SEMA3D: variants seen among roughly 807,000 people sequenced by gnomAD.
SEMA3D encodes the protein semaphorin-3D.
In SEMA3D, 84 loss-of-function variants were observed where a neutral mutation model predicts 100.1. The ratio of observed to expected loss-of-function variants is 0.84; its 90% CI spans 0.70 to 1.01. SEMA3D has a LOEUF of 1.01. SEMA3D is among the 50% of genes least tolerant of loss of function. The pLI is 0.00. For missense variants in SEMA3D, 875 were observed against 934.1 expected, an observed-to-expected ratio of 0.94 and a Z score of 0.82; for synonymous variants, 312 against 320.7, an observed-to-expected ratio of 0.97 and a Z score of 0.29.
At chr7:85,151,124 T>C (rs963449361) in intron 2 of SEMA3D, among the ~76,000 whole-genome samples, 9 of 151,304 alleles carry the variant, frequency 5.9e-5, no homozygotes, top group Non-Finnish European at 1.3e-4. Context: ...ACACCGCACA[T>C]ATATAATTAG....
At chr7:85,121,521 T>G (rs1029539663) in intron 3 of SEMA3D, among the ~76,000 whole-genome samples, 3 of 152,202 alleles carry the variant, frequency 2.0e-5, no homozygotes, top group African/African-American at 7.2e-5. Flanking sequence ...AAATTGAATA[T>G]TATAAATACT....
In SEMA3D at chr7:85,083,841, C is replaced by T. The variant is rs187958796; in HGVS notation, c.313-2262G>A. The stretch of plus-strand genomic sequence containing the variant: ...CAGCCTGGGCGACAGAGCGAGACTC[C>T]GTCTCAAAAAAAAAAAATTGCATCG... On this transcript the variant is annotated intron_variant, in intron 4 of 18. Coordinates refer to ENST00000284136, the MANE Select transcript of SEMA3D (RefSeq NM_001384900.1). Among the ~76,000 whole-genome samples the T allele has an allele frequency of 1.7e-3, 231 of 136,444 alleles. 4 individuals are homozygous for T. In the East Asian group the frequency reaches 0.047, roughly 28 times the overall value. The allele number at this position is 136,444 out of a possible 152,430, so 89.5% of individuals were successfully genotyped here. A position where few individuals can be genotyped will look rare whatever the true frequency, so the allele number is the denominator to read the frequency against.
At chr7:85,042,518 A>G (rs763082742) in intron 9 of SEMA3D, among the ~76,000 whole-genome samples, 2 of 152,156 alleles carry the variant, frequency 1.3e-5, no homozygotes, top group African/African-American at 2.4e-5. Context: ...GCTCTATTGG[A>G]TGAGTAGATG....
rs1282042006 is a variant in SEMA3D at position 85,006,698 on chromosome 7, T to A, written c.1908+104A>T. On this transcript the variant is annotated intron_variant, in intron 18 of 18. Transcript: ENST00000284136. ...AGTGAGTAAAACCTGTTATTTTTTT[T>A]AATCAAATAATGATGAGAGTAGCAT... 3.4e-5 allele frequency: 31 copies of A among 922,726 alleles called. No homozygotes were observed. The East Asian group carries it at 5.5e-4, about 16-fold the overall frequency. The allele number at this position is 922,726 out of a possible 1,614,324, so 57.2% of individuals were successfully genotyped here.
chr7:85,026,254 C>A (rs1263430323), intron 12 of SEMA3D, among the ~76,000 whole-genome samples: 1 of 151,870 alleles, frequency 6.6e-6, no homozygotes, highest in Non-Finnish European at 1.5e-5. Flanking sequence ...TAGAGATATC[C>A]TCAGTAATTT....
At chr7:85,230,018 A>G in the SEMA3D span, among the ~76,000 whole-genome samples, 39 of 152,318 alleles carry the variant, frequency 2.6e-4, no homozygotes, top group African/African-American at 8.9e-4. Context: ...TTATTTAATG[A>G]CATCCAATTA....
intron 3 of SEMA3D, among the ~76,000 whole-genome samples, chr7:85,098,740 T>G (rs1788650103): frequency 6.6e-6 from 1 of 151,914 alleles, no homozygotes; most frequent in Non-Finnish European, 1.5e-5. Context: ...TTTTATATAT[T>G]TCAACAAAGG....
At chr7:85,232,715 G>T in the SEMA3D span, among the ~76,000 whole-genome samples, 1 of 152,160 alleles carries the variant, frequency 6.6e-6, no homozygotes, top group South Asian at 2.1e-4. Flanking sequence ...CTAGCTAAGA[G>T]TGTACAGGTG....
At chr7:85,063,312 G>C (rs2116129810) in intron 8 of SEMA3D, among the ~76,000 whole-genome samples, 1 of 152,224 alleles carries the variant, frequency 6.6e-6, no homozygotes. Context: ...AATGTCCTGG[G>C]CAAAGTAGGT....
chr7:85,203,459 A>T, the SEMA3D span, among the ~76,000 whole-genome samples: 1 of 152,192 alleles, frequency 6.6e-6, no homozygotes, highest in Non-Finnish European at 1.5e-5. Context: ...AACATTGTGC[A>T]GAATAGAGTA....
At chr7:85,147,456 A>C (rs1375533690) in intron 2 of SEMA3D, among the ~76,000 whole-genome samples, 1 of 151,846 alleles carries the variant, frequency 6.6e-6, no homozygotes, top group Non-Finnish European at 1.5e-5. Flanking sequence ...GGCCTCTGTC[A>C]GTCTTTCTAA....
intron 16 of SEMA3D, 70 bp downstream of exon 16, chr7:85,014,989 A>T (rs1383317483): frequency 9.4e-6 from 11 of 1,172,470 alleles, no homozygotes; most frequent in Non-Finnish European, 1.4e-5. Flanking sequence ...AAACTATAAG[A>T]CAAAGCATTA....
the SEMA3D span, among the ~76,000 whole-genome samples, chr7:85,196,840 A>G: frequency 3.3e-5 from 5 of 152,320 alleles, no homozygotes; most frequent in Admixed American, 6.5e-5. Context: ...CAAAATGCCA[A>G]TAGTTACTGA....
At chr7:85,182,026 A>C (rs576796780) in intron 1 of SEMA3D, among the ~76,000 whole-genome samples, 1 of 152,266 alleles carries the variant, frequency 6.6e-6, no homozygotes, top group South Asian at 2.1e-4. Context: ...AAATAATCTC[A>C]AAAGTGTTGC....
intron 2 of SEMA3D, among the ~76,000 whole-genome samples, chr7:85,125,713 T>A (rs1180743177): frequency 1.3e-5 from 2 of 152,074 alleles, no homozygotes; most frequent in African/African-American, 4.8e-5. Context: ...AATCCTTTAA[T>A]TGAGATAATT....
intron 1 of SEMA3D, among the ~76,000 whole-genome samples, chr7:85,185,451 T>C (rs985235084): frequency 6.6e-6 from 1 of 152,174 alleles, no homozygotes; most frequent in Non-Finnish European, 1.5e-5. Flanking sequence ...CAAATAGCAC[T>C]AAGCTAAACG....
At position 85,006,934 on chromosome 7, in the gene SEMA3D, A is replaced by C; in HGVS notation, c.1776T>G (p.Ser592Arg). ...TQCWDIEDSI[S>R]HETADEKVIF... ...TCACCTTTTCATCAGCAGTTTCATG[A>C]CTAATGCCTGGAAAGCAAACATGGA... The change falls in exon 18 of 19, where the codon AGT (serine) becomes AGG (arginine). Residue 592 changes from serine (S) to arginine (R), a missense_variant. Ser to Arg is a moderately radical substitution (Grantham distance 110). Transcript: ENST00000284136. The C allele has an allele frequency of 6.2e-7, 1 of 1,609,428 alleles. No individual in the cohort carries two copies. The highest frequency in any genetic ancestry group is 8.5e-7 in the Non-Finnish European group (1 of 1,177,242).
intron 4 of SEMA3D, among the ~76,000 whole-genome samples, chr7:85,096,279 G>C (rs1788550443): frequency 6.6e-6 from 1 of 151,322 alleles, no homozygotes; most frequent in Non-Finnish European, 1.5e-5. Context: ...AATTCCTGAA[G>C]AAAAAAATAC....
At chr7:85,201,150 T>C in the SEMA3D span, among the ~76,000 whole-genome samples, 1 of 152,170 alleles carries the variant, frequency 6.6e-6, no homozygotes, top group Admixed American at 6.6e-5. Flanking sequence ...AGGAAAACGA[T>C]TAATGGGTCT....
Sources: gnomAD v4.1 joint callset for allele counts (sites outside exome capture counted in the v4.1 genomes callset) on GRCh38, gnomAD v4.1.1 for gene constraint, MANE v1.5 for transcripts, NCBI Gene and HGNC (gene_info 2026-07-23, HGNC 2026-07-21) for gene names.